The following DOCK3 variants were observed in gnomAD, a reference collection of about 807,000 sequenced individuals.
DOCK3 encodes the protein dedicator of cytokinesis protein 3.
In DOCK3, 60 loss-of-function variants were observed where a neutral mutation model predicts 265.6. The observed-to-expected ratio is 0.23, with a 90% confidence interval of 0.18 to 0.28. DOCK3 has a LOEUF of 0.28. DOCK3 is among the 10% of genes least tolerant of loss of function. DOCK3 has a pLI of 1.00. For synonymous variants in DOCK3, 881 were observed against 938.0 expected (o/e 0.94, Z 1.11); for missense variants, 1,981 against 2,594.3 (o/e 0.76, Z 5.14).
intron 22 of DOCK3, among the ~76,000 whole-genome samples, chr3:51,250,242 C>G (rs1467942724): frequency 1.3e-5 from 2 of 148,970 alleles, no homozygotes; most frequent in African/African-American, 5.0e-5. Context: ...AAATCCCCCT[C>G]TGTGAGAAAC....
chr3:50,801,979 C>T (rs2043095592), intron 2 of DOCK3, among the ~76,000 whole-genome samples: 1 of 152,124 alleles, frequency 6.6e-6, no homozygotes, highest in African/African-American at 2.4e-5. Context: ...CTTTTAACTA[C>T]AGGTCTTTTT....
At chr3:50,875,482 C>T (rs1329345629) in intron 3 of DOCK3, among the ~76,000 whole-genome samples, 3 of 151,988 alleles carry the variant, frequency 2.0e-5, no homozygotes, top group Non-Finnish European at 4.4e-5. Context: ...TCCTTCCATA[C>T]CCAGTTTGTT....
At chr3:50,830,268 T>C (rs1432839180) in intron 2 of DOCK3, among the ~76,000 whole-genome samples, 1 of 152,106 alleles carries the variant, frequency 6.6e-6, no homozygotes, top group East Asian at 1.9e-4. Flanking sequence ...TTACAATTGG[T>C]TGCTTAAATG....
intron 1 of DOCK3, among the ~76,000 whole-genome samples, chr3:50,760,111 T>C (rs929585160): frequency 6.6e-6 from 1 of 152,156 alleles, no homozygotes; most frequent in East Asian, 1.9e-4. Flanking sequence ...TGTTTTCTTC[T>C]AAGAGTTTTA....
At chr3:51,153,445 C>T (rs183790538) in intron 10 of DOCK3, among the ~76,000 whole-genome samples, 4 of 152,316 alleles carry the variant, frequency 2.6e-5, no homozygotes, top group East Asian at 3.9e-4. Context: ...GGAAATCCCC[C>T]GACCCATTGC....
At chr3:50,977,939 C>T (rs1363937290) in intron 5 of DOCK3, among the ~76,000 whole-genome samples, 1 of 152,130 alleles carries the variant, frequency 6.6e-6, no homozygotes, top group South Asian at 2.1e-4. Context: ...ATCGCATCGG[C>T]TCCTGAGGCT....
chr3:50,950,494 G>A (rs2076560915), intron 5 of DOCK3, among the ~76,000 whole-genome samples: 1 of 152,148 alleles, frequency 6.6e-6, no homozygotes, highest in South Asian at 2.1e-4. Flanking sequence ...AGGCCATAAA[G>A]TAGTAGTGTA....
chr3:51,321,817 T>C (rs1251197899), intron 32 of DOCK3, among the ~76,000 whole-genome samples: 1 of 151,928 alleles, frequency 6.6e-6, no homozygotes, highest in East Asian at 1.9e-4. Context: ...CTCCAAGAAA[T>C]ATGGGACTCT....
intron 44 of DOCK3, 64 bp from the exon 45 acceptor site, chr3:51,357,694 C>T (rs574335515): frequency 1.9e-6 from 3 of 1,561,984 alleles, no homozygotes; most frequent in African/African-American, 1.4e-5. Context: ...ACTCAAGTCT[C>T]CTGGGCCCCA....
At chr3:50,783,802 G>A (rs1202086192) in intron 2 of DOCK3, among the ~76,000 whole-genome samples, 4 of 150,712 alleles carry the variant, frequency 2.7e-5, no homozygotes, top group Non-Finnish European at 4.4e-5. Flanking sequence ...GGGGTTTTCC[G>A]ATGTTACCTT....
intron 9 of DOCK3, among the ~76,000 whole-genome samples, chr3:51,142,980 G>A (rs184967138): frequency 2.4e-4 from 36 of 151,956 alleles, no homozygotes; most frequent in Non-Finnish European, 4.4e-4. Context: ...TCTGCCTCCC[G>A]GGTTCAAGTG....
intron 27 of DOCK3, among the ~76,000 whole-genome samples, chr3:51,288,883 T>TGG (rs1264731342): frequency 1.3e-5 from 2 of 149,334 alleles, no homozygotes; most frequent in Non-Finnish European, 3.0e-5. Context: ...GGTGTTTGTG[T>TGG]GGGTGTGTGT....
chr3:51,287,431 G>A (rs2081469029), intron 27 of DOCK3, among the ~76,000 whole-genome samples: 2 of 152,096 alleles, frequency 1.3e-5, no homozygotes, highest in Non-Finnish European at 2.9e-5. Context: ...ACATGTGCCT[G>A]TTGTCCAAGC....
chr3:50,929,075 T>TA (rs1209092187), intron 4 of DOCK3, among the ~76,000 whole-genome samples: 2 of 152,246 alleles, frequency 1.3e-5, no homozygotes, highest in Non-Finnish European at 2.9e-5. Context: ...ATTTTCAACT[T>TA]ACAGTGGGTT....
At chr3:50,863,327 G>C in intron 3 of DOCK3, 1 of 492,364 alleles carries the variant, frequency 2.0e-6, no homozygotes, top group Non-Finnish European at 4.0e-6. Context: ...GGTCTGAGGG[G>C]AATGCAGATA....
chr3:51,250,123 A>G (rs2079121027), intron 22 of DOCK3, among the ~76,000 whole-genome samples: 1 of 151,894 alleles, frequency 6.6e-6, no homozygotes, highest in South Asian at 2.1e-4. Context: ...GTACCCAGGG[A>G]CACAAATGCT....
intron 22 of DOCK3, among the ~76,000 whole-genome samples, chr3:51,253,450 T>C (rs1255249243): frequency 6.6e-6 from 1 of 152,206 alleles, no homozygotes; most frequent in Non-Finnish European, 1.5e-5. Context: ...TACCAGCTCC[T>C]CTTTATACCT....
intron 9 of DOCK3, among the ~76,000 whole-genome samples, chr3:51,122,920 G>A (rs1004760381): frequency 6.6e-6 from 1 of 152,126 alleles, no homozygotes; most frequent in Non-Finnish European, 1.5e-5. Flanking sequence ...ACACATAATC[G>A]TTTACATCCT....
At chr3:51,192,878 TA>T (rs1464109627) in intron 12 of DOCK3, among the ~76,000 whole-genome samples, 4 of 152,172 alleles carry the variant, frequency 2.6e-5, no homozygotes, top group Non-Finnish European at 5.9e-5. Flanking sequence ...TAACTCGGGC[TA>T]ACTCATCCAA....
Sources: gnomAD v4.1 joint callset for allele counts (sites outside exome capture counted in the v4.1 genomes callset) on GRCh38, gnomAD v4.1.1 for gene constraint, MANE v1.5 for transcripts, NCBI Gene and HGNC (gene_info 2026-07-23, HGNC 2026-07-21) for gene names.